WDR11: variants seen among roughly 807,000 people sequenced by gnomAD.
WDR11 encodes WD repeat-containing protein 11.
WDR11 carries 83 observed loss-of-function variants against 151.2 expected under a neutral mutation model. The ratio of observed to expected loss-of-function variants is 0.55; its 90% CI spans 0.46 to 0.66. The LOEUF (loss-of-function observed/expected upper bound fraction) is 0.66, where lower values mean the gene tolerates loss of function less well. Among genes scored for constraint, WDR11 ranks in the 30% least tolerant of loss-of-function variants. The pLI, the probability that WDR11 is intolerant of heterozygous loss-of-function variation, is 0.00. For missense variants in WDR11, 1,301 were observed against 1,480.9 expected (o/e 0.88, Z 1.99); for synonymous variants, 484 against 533.1 (o/e 0.91, Z 1.27).
At chr10:120,880,458 G>A (rs1160555395) in intron 12 of WDR11, 1 of 219,808 alleles carries the variant, frequency 4.5e-6, no homozygotes, top group East Asian at 1.1e-4. Context: ...TTAGGAGATC[G>A]AGACCAGCCT....
In WDR11 at chr10:120,862,813, A is replaced by G; in HGVS notation, c.605A>G (p.Tyr202Cys). The G allele has an allele frequency of 6.2e-7, 1 of 1,614,164 alleles. No homozygotes were observed. Among genetic ancestry groups the G allele is most frequent in the South Asian group, 1.1e-5 (1 of 91,084 alleles). The stretch of plus-strand genomic sequence containing the variant: ...CCCTCAGGCCCTGGGAAAAAAGTTT[A>G]CATATCCAGCCCACACTCTAGCCCA... Reference protein sequence around the residue: ...KPPSGPGKKVYISSPHSSPAH... With the variant: ...KPPSGPGKKVCISSPHSSPAH... The change falls in exon 5 of 29, where the codon TAC (tyrosine) becomes TGC (cysteine). Residue 202 changes from tyrosine (Y) to cysteine (C), a missense_variant. Physicochemically the swap from Tyr to Cys is radical, Grantham distance 194. Coordinates refer to ENST00000263461, the MANE Select transcript of WDR11 (RefSeq NM_018117.12).
At chr10:120,903,019 C>T (rs1437805442) in intron 22 of WDR11, 36 bp from the exon 23 acceptor site, 1 of 1,610,302 alleles carries the variant, frequency 6.2e-7, no homozygotes, top group African/African-American at 1.3e-5. Flanking sequence ...GCCAGGTGTG[C>T]TGAGTGCAGT....
chr10:120,865,463 T>G (rs1846279338), intron 6 of WDR11, among the ~76,000 whole-genome samples, 167 bp from the exon 7 acceptor site: 1 of 152,146 alleles, frequency 6.6e-6, no homozygotes, highest in African/African-American at 2.4e-5. Context: ...GACAAATTAT[T>G]TTAGGATTAT....
intron 6 of WDR11, among the ~76,000 whole-genome samples, 175 bp downstream of exon 6, chr10:120,865,387 G>A (rs1332605051): frequency 6.6e-6 from 1 of 151,874 alleles, no homozygotes; most frequent in Non-Finnish European, 1.5e-5. Context: ...TGATTGGTTT[G>A]ATTTACCCTA....
Position 120,904,783 on chromosome 10 carries a change from G to A in WDR11, c.3165G>A (p.Thr1055=), listed in dbSNP as rs376429849. 35 of 1,614,024 alleles carry A rather than the reference G, an allele frequency of 2.2e-5. No homozygotes were observed. The highest frequency in any genetic ancestry group is 4.4e-5 in the South Asian group (4 of 91,080). The part of the protein sequence containing the change: ...PSQSTIKLVA[T]NMIANGKLAE... ...AGAGCACCATTAAGTTGGTGGCAACGAATATGATTGCCAATGGCAAATTGG... is the reference window on the plus strand; with the variant it reads ...AGAGCACCATTAAGTTGGTGGCAACAAATATGATTGCCAATGGCAAATTGG... The change falls in exon 25 of 29, where the codon ACG becomes ACA. Residue 1055 remains threonine, a synonymous_variant. Coordinates refer to ENST00000263461, the MANE Select transcript of WDR11 (RefSeq NM_018117.12).
chr10:120,905,294 A>G (rs1847990472), intron 25 of WDR11, 25 bp from the exon 26 acceptor site: 7 of 1,611,394 alleles, frequency 4.3e-6, no homozygotes, highest in Non-Finnish European at 5.9e-6. Context: ...AGTGTCACTT[A>G]AGGGGATGCG....
At chr10:120,907,501 T>C (rs1469787589) in intron 28 of WDR11, 1 of 153,316 alleles carries the variant, frequency 6.5e-6, no homozygotes. Context: ...CTGCTGCTGC[T>C]CACTGCACTT....
chr10:120,899,689 A>G (rs909966416), intron 19 of WDR11: 6 of 292,304 alleles, frequency 2.1e-5, no homozygotes, highest in Non-Finnish European at 3.3e-5. Context: ...AGGCTGAGGC[A>G]GGAGAATCGC....
At chr10:120,855,758 A>G (rs1031332052) in intron 2 of WDR11, among the ~76,000 whole-genome samples, 1 of 152,192 alleles carries the variant, frequency 6.6e-6, no homozygotes, top group African/African-American at 2.4e-5. Context: ...ATTTAATAGT[A>G]ATTTTGGGTA....
In WDR11 at chr10:120,908,667, T is replaced by A. The variant is rs892373753; in HGVS notation, c.3629T>A (p.Leu1210Ter). Residue 1210 changes from leucine (L) to a stop codon, truncating the protein, a stop_gained, in exon 29 of 29, where the codon TTA becomes TAA. Transcript: ENST00000263461. LOFTEE classifies it high-confidence loss of function. ...AAAGCCGGAGCAGCTGGCAAAGACT[T>A]ATTGAATGAGCTTGAGTCCCCCAAG... is the stretch of plus-strand genomic sequence containing the variant. ...ASKAGAAGKD[L>*]LNELESPKEE... 3 of 1,614,222 alleles carry A rather than the reference T, an allele frequency of 1.9e-6. No individual in the cohort carries two copies. Among genetic ancestry groups the A allele is most frequent in the African/African-American group, 2.7e-5 (2 of 75,060 alleles).
rs1846529108 is a variant in WDR11, at chr10:120,871,274, C to T, written c.1399C>T (p.Gln467Ter). ...TGLLSGLPAP[Q>*]FAIRMCPPLT... ...ACTGCTTTCAGGACTGCCCGCACCA[C>T]AGTTTGCTATTCGTATGTGTCCACC... is the stretch of plus-strand genomic sequence containing the variant. Residue 467 changes from glutamine to a stop codon, truncating the protein, a stop_gained, in exon 10 of 29, where the codon CAG becomes TAG. Coordinates refer to ENST00000263461, the MANE Select transcript of WDR11 (RefSeq NM_018117.12). LOFTEE classifies it high-confidence loss of function. 6.2e-7 allele frequency: 1 copy of T among 1,614,044 alleles called. No individual in the cohort carries two copies. Among genetic ancestry groups the T allele is most frequent in the Non-Finnish European group, 8.5e-7 (1 of 1,180,040 alleles).
At chr10:120,878,219 T>TAAAA (rs1480167592) in intron 11 of WDR11, 134 bp from the exon 12 acceptor site, 2 of 680,340 alleles carry the variant, frequency 2.9e-6, no homozygotes, top group East Asian at 2.8e-5. Flanking sequence ...CATGTTAAGA[T>TAAAA]AAAAGGTCAT....
At position 120,889,106 on chromosome 10, in the gene WDR11, C is replaced by G. The variant is rs1341793333; in HGVS notation, c.2150C>G (p.Ala717Gly). Residue 717 changes from alanine (A) to glycine (G), a missense_variant, in exon 17 of 29, where the codon GCT becomes GGT. Ala to Gly is a moderately conservative substitution (Grantham distance 60). This residue lies in a region of WDR11 where 589 missense variants were observed against 670.6 expected (regional missense o/e 0.88). Transcript: ENST00000263461. The stretch of plus-strand genomic sequence containing the variant: ...AGTATGGGTAGTATTACCTGCATCG[C>G]TTGGAAAGGTGATACATTAGTGCTT... ...DGSMGSITCI[A>G]WKGDTLVLGD... The G allele has an allele frequency of 6.2e-7, 1 of 1,613,776 alleles. No individual in the cohort carries two copies. Among genetic ancestry groups the G allele is most frequent in the African/African-American group, 1.3e-5 (1 of 74,934 alleles).
chr10:120,883,500 G>A (rs1847101435), intron 13 of WDR11, among the ~76,000 whole-genome samples: 1 of 152,104 alleles, frequency 6.6e-6, no homozygotes. Context: ...TGAGCCTCAG[G>A]AGGGTTAACA....
At chr10:120,856,017 CCT>C (rs1845932647) in intron 2 of WDR11, 1 of 152,158 alleles carries the variant, frequency 6.6e-6, no homozygotes, top group Non-Finnish European at 1.5e-5. Context: ...CTTCTCTTTC[CCT>C]CTCTGTTTCC....
At chr10:120,877,948 A>G (rs915104847) in intron 11 of WDR11, among the ~76,000 whole-genome samples, 7 of 152,210 alleles carry the variant, frequency 4.6e-5, no homozygotes, top group Non-Finnish European at 1.0e-4. Context: ...TTTGAAGCTT[A>G]TAATGCAATG....
intron 13 of WDR11, among the ~76,000 whole-genome samples, chr10:120,882,205 G>A (rs893132519): frequency 2.6e-5 from 4 of 151,824 alleles, no homozygotes; most frequent in African/African-American, 4.8e-5. Context: ...TGACATTCCC[G>A]GAATAAACTC....
intron 12 of WDR11, chr10:120,878,866 T>G (rs1387574585): frequency 6.4e-6 from 1 of 157,324 alleles, no homozygotes; most frequent in Non-Finnish European, 1.4e-5. Flanking sequence ...GGATTGTTTT[T>G]AAATGCTCAA....
chr10:120,882,794 T>C (rs1847064783), intron 13 of WDR11, among the ~76,000 whole-genome samples: 1 of 151,412 alleles, frequency 6.6e-6, no homozygotes, highest in African/African-American at 2.5e-5. Flanking sequence ...GATTCTTCTC[T>C]ATGATTTTTC....
Sources: allele counts gnomAD v4.1 joint callset (sites outside exome capture counted in the v4.1 genomes callset), GRCh38; gene constraint gnomAD v4.1.1; regional missense constraint gnomAD v4.1.1; transcripts MANE v1.5; gene names NCBI Gene and HGNC (gene_info 2026-07-23, HGNC 2026-07-21).